Variants in RBFOX1 observed in about 807,000 individuals in gnomAD.
RBFOX1 encodes the protein RNA binding fox-1 homolog 1, also known as RNA binding protein fox-1 homolog 1.
A neutral mutation model predicts 57.7 loss-of-function variants in RBFOX1; 8 were observed. That is an observed-to-expected ratio of 0.14 (90% CI 0.08 to 0.25). The LOEUF (loss-of-function observed/expected upper bound fraction) is 0.25. RBFOX1 is among the 10% of genes least tolerant of loss of function. The pLI is 1.00. For synonymous variants in RBFOX1, 326 were observed against 222.4 expected, an observed-to-expected ratio of 1.47 and a Z score of -4.15; for missense variants, 611 against 548.5, an observed-to-expected ratio of 1.11 and a Z score of -1.14.
At chr16:5,698,434 C>T (rs776969758) in intron 3 of RBFOX1, among the ~76,000 whole-genome samples, 2 of 152,078 alleles carry the variant, frequency 1.3e-5, no homozygotes. Context: ...AGTTTCCTTA[C>T]TTTTTCTTGA....
chr16:6,235,298 A>C (rs2097497222), intron 1 of RBFOX1, among the ~76,000 whole-genome samples: 1 of 152,064 alleles, frequency 6.6e-6, no homozygotes. Flanking sequence ...CACAAGGTGC[A>C]ATACTTACTT....
chr16:5,679,867 TAC>T (rs1262608622), intron 3 of RBFOX1, among the ~76,000 whole-genome samples: 2 of 152,174 alleles, frequency 1.3e-5, no homozygotes, highest in African/African-American at 2.4e-5. Flanking sequence ...TATATTAAAG[TAC>T]AGTTCATAGT....
chr16:7,414,858 T>TC (rs2098463623), intron 4 of RBFOX1, among the ~76,000 whole-genome samples: 1 of 152,202 alleles, frequency 6.6e-6, no homozygotes, highest in African/African-American at 2.4e-5. Context: ...CCTCAGGTGA[T>TC]CCGTTTCCTT....
chr16:5,748,580 G>T (rs1290409573), intron 3 of RBFOX1, among the ~76,000 whole-genome samples: 2 of 152,132 alleles, frequency 1.3e-5, no homozygotes, highest in Admixed American at 6.6e-5. Context: ...ATATATTTAG[G>T]ATAGTTAGCT....
chr16:6,294,173 C>A (rs575216284), intron 1 of RBFOX1, among the ~76,000 whole-genome samples: 1 of 152,048 alleles, frequency 6.6e-6, no homozygotes, highest in Non-Finnish European at 1.5e-5. Flanking sequence ...CAGAGTGAGA[C>A]CCTGTCTCTA....
intron 4 of RBFOX1, among the ~76,000 whole-genome samples, chr16:5,901,978 C>T (rs1466821373): frequency 6.6e-6 from 1 of 152,166 alleles, no homozygotes; most frequent in Non-Finnish European, 1.5e-5. Context: ...AGCCCCTAGT[C>T]CTCCTGATAC....
chr16:6,870,614 A>G (rs145833105), intron 3 of RBFOX1, among the ~76,000 whole-genome samples: 5 of 152,334 alleles, frequency 3.3e-5, no homozygotes, highest in Non-Finnish European at 7.3e-5. Flanking sequence ...CAAAGCAATA[A>G]CAAATCATAA....
intron 4 of RBFOX1, among the ~76,000 whole-genome samples, chr16:7,334,185 T>C (rs911723988): frequency 6.6e-6 from 1 of 152,158 alleles, no homozygotes; most frequent in African/African-American, 2.4e-5. Flanking sequence ...ATTAGAGTCA[T>C]CTGGGGGTGA....
chr16:7,319,774 G>T (rs1158686247), intron 4 of RBFOX1, among the ~76,000 whole-genome samples: 1 of 152,106 alleles, frequency 6.6e-6, no homozygotes, highest in Non-Finnish European at 1.5e-5. Flanking sequence ...GATCGGGCAG[G>T]TGTGGCTTTG....
At chr16:7,112,002 T>C (rs547688573) in intron 4 of RBFOX1, among the ~76,000 whole-genome samples, 1 of 152,192 alleles carries the variant, frequency 6.6e-6, no homozygotes, top group Non-Finnish European at 1.5e-5. Context: ...GTTTGGCCTA[T>C]ACAGATTGTA....
intron 4 of RBFOX1, among the ~76,000 whole-genome samples, chr16:7,493,851 C>G (rs1000494246): frequency 6.6e-5 from 10 of 152,190 alleles, no homozygotes; most frequent in Non-Finnish European, 1.5e-4. Context: ...CAATAGAACG[C>G]TGATAAAATC....
chr16:6,569,930 T>A (rs2097321872), intron 2 of RBFOX1, among the ~76,000 whole-genome samples: 1 of 152,234 alleles, frequency 6.6e-6, no homozygotes, highest in Non-Finnish European at 1.5e-5. Context: ...AATTCACTTG[T>A]CCTCAATAAT....
chr16:6,880,124 G>C (rs148633611), intron 3 of RBFOX1, among the ~76,000 whole-genome samples: 39 of 152,216 alleles, frequency 2.6e-4, no homozygotes, highest in African/African-American at 8.7e-4. Context: ...GTTACTTCTT[G>C]TCAGTGGCTG....
chr16:7,387,622 A>G (rs560914358), intron 4 of RBFOX1, among the ~76,000 whole-genome samples: 6 of 152,160 alleles, frequency 3.9e-5, no homozygotes, highest in South Asian at 2.1e-4. Context: ...AAGCATTGCA[A>G]AAGCCGCTGT....
At chr16:5,615,955 A>C (rs1297027842) in intron 3 of RBFOX1, among the ~76,000 whole-genome samples, 1 of 152,042 alleles carries the variant, frequency 6.6e-6, no homozygotes, top group Non-Finnish European at 1.5e-5. Context: ...TTCCCCTCTG[A>C]AGTTGGGCTG....
rs553489371 is a variant in RBFOX1 at position 7,026,133 on chromosome 16, C to T, written c.-15-25924C>T. ...CACAGGCCAGGGTGGAAATGGCAGC[C>T]AGAAGGCCTCCCTCTGCGTGGGGTC... On this transcript the variant is annotated intron_variant, in intron 3 of 15. Transcript: ENST00000550418. 7.9e-5 allele frequency among the ~76,000 whole-genome samples: 12 copies of T among 152,236 alleles called. No individual in the cohort carries two copies. In the South Asian group the frequency reaches 2.5e-3, roughly 32 times the overall value.
intron 4 of RBFOX1, among the ~76,000 whole-genome samples, chr16:7,149,058 C>T (rs145089074): frequency 6.6e-6 from 1 of 152,118 alleles, no homozygotes; most frequent in Non-Finnish European, 1.5e-5. Context: ...TGCCCTTGTT[C>T]TTTTTTTCTA....
intron 4 of RBFOX1, among the ~76,000 whole-genome samples, chr16:7,156,196 C>G (rs1050030783): frequency 2.0e-5 from 3 of 150,872 alleles, no homozygotes; most frequent in African/African-American, 7.4e-5. Context: ...ATTCCTTTCT[C>G]AAGACTTGCT....
chr16:5,666,579 C>T (rs1005504709), intron 3 of RBFOX1, among the ~76,000 whole-genome samples: 1 of 152,158 alleles, frequency 6.6e-6, no homozygotes, highest in Non-Finnish European at 1.5e-5. Context: ...GTACCTAAGC[C>T]AACAGTGTAC....
Sources: gnomAD v4.1 joint callset for allele counts (sites outside exome capture counted in the v4.1 genomes callset) on GRCh38, gnomAD v4.1.1 for gene constraint, MANE v1.5 for transcripts, NCBI Gene and HGNC (gene_info 2026-07-23, HGNC 2026-07-21) for gene names.